PTGER3: variants seen among roughly 807,000 people sequenced by gnomAD.
The protein encoded by PTGER3 is prostaglandin E2 receptor EP3 subtype.
In PTGER3, 22 loss-of-function variants were observed where a neutral mutation model predicts 34.7. The ratio of observed to expected loss-of-function variants is 0.63; its 90% CI spans 0.45 to 0.91. The LOEUF is 0.91. Ranked by LOEUF, PTGER3 falls within the 40% of genes least tolerant of loss-of-function variation. The pLI, the probability that PTGER3 is intolerant of heterozygous loss-of-function variation, is 0.00. For synonymous variants in PTGER3, 241 were observed against 230.1 expected (o/e 1.05, Z -0.43); for missense variants, 468 against 519.4 (o/e 0.90, Z 0.96).
chr1:70,888,362 T>A (rs1232932895), intron 4 of PTGER3, among the ~76,000 whole-genome samples: 1 of 152,194 alleles, frequency 6.6e-6, no homozygotes, highest in Non-Finnish European at 1.5e-5. Context: ...GTAGATCCTA[T>A]TTTTTTCAGC....
intron 1 of PTGER3, among the ~76,000 whole-genome samples, chr1:71,036,574 C>T (rs1206372380): frequency 2.6e-5 from 4 of 151,930 alleles, no homozygotes; most frequent in African/African-American, 9.7e-5. Context: ...GGCACAGTGG[C>T]TCACACCTGT....
At chr1:71,030,636 A>G (rs1659325994) in intron 1 of PTGER3, among the ~76,000 whole-genome samples, 1 of 152,194 alleles carries the variant, frequency 6.6e-6, no homozygotes, top group Admixed American at 6.5e-5. Context: ...CACTTCCTAA[A>G]TTGCCGGTAT....
chr1:70,933,005 A>G (rs1193054138), intron 4 of PTGER3, among the ~76,000 whole-genome samples: 1 of 152,176 alleles, frequency 6.6e-6, no homozygotes, highest in East Asian at 1.9e-4. Flanking sequence ...TTATATCAGT[A>G]TCATATGTTA....
intron 4 of PTGER3, among the ~76,000 whole-genome samples, chr1:70,921,416 G>T (rs959007905): frequency 6.6e-6 from 1 of 151,998 alleles, no homozygotes; most frequent in Non-Finnish European, 1.5e-5. Flanking sequence ...TCGAATGAAT[G>T]GTAAAAATCA....
chr1:70,890,574 A>T (rs995649847), intron 4 of PTGER3, among the ~76,000 whole-genome samples: 1 of 151,980 alleles, frequency 6.6e-6, no homozygotes, highest in Non-Finnish European at 1.5e-5. Context: ...ACAATCATCC[A>T]CTCAGCTGCA....
chr1:71,038,688 A>C (rs1050033925), intron 1 of PTGER3, among the ~76,000 whole-genome samples: 3 of 152,182 alleles, frequency 2.0e-5, no homozygotes, highest in Non-Finnish European at 4.4e-5. Flanking sequence ...AAAATAACAC[A>C]TTGTGCTATT....
intron 2 of PTGER3, among the ~76,000 whole-genome samples, chr1:70,964,809 T>C (rs1220233079): frequency 6.6e-6 from 1 of 152,224 alleles, no homozygotes; most frequent in East Asian, 1.9e-4. Context: ...TCATAGTTGA[T>C]TGTTGCATAT....
intron 4 of PTGER3, among the ~76,000 whole-genome samples, chr1:70,936,456 A>G (rs907338905): frequency 6.6e-6 from 1 of 152,180 alleles, no homozygotes; most frequent in Non-Finnish European, 1.5e-5. Context: ...ACTAACAAGT[A>G]TAGAATGGGG....
chr1:70,896,513 T>A (rs891621268), intron 4 of PTGER3, among the ~76,000 whole-genome samples: 2 of 152,224 alleles, frequency 1.3e-5, no homozygotes, highest in African/African-American at 4.8e-5. Context: ...CTCCTTGATC[T>A]CAAACTTACA....
rs1387905515 is a variant in PTGER3, at chr1:70,852,666, G to A, written c.*217C>T. 7 of 761,502 alleles carry A rather than the reference G, an allele frequency of 9.2e-6. No homozygotes were observed. The East Asian group carries it at 1.7e-4, about 19-fold the overall frequency. The allele number at this position is 761,502 out of a possible 1,614,324, so 47.2% of individuals were successfully genotyped here. On this transcript the variant is annotated 3_prime_UTR_variant, in exon 5 of 5. Coordinates refer to the PTGER3 transcript ENST00000370931. ...AGATATAGTAAAAGTACAAAAACAT[G>A]TATGGAAACAGGACATAACAGCTTC...
intron 1 of PTGER3, among the ~76,000 whole-genome samples, chr1:71,018,788 T>C (rs1253248185): frequency 6.6e-6 from 1 of 152,204 alleles, no homozygotes; most frequent in Non-Finnish European, 1.5e-5. Context: ...TTTAAAATTA[T>C]TGTTATGAGG....
chr1:70,987,215 A>G (rs1361031642), intron 2 of PTGER3, among the ~76,000 whole-genome samples: 1 of 152,208 alleles, frequency 6.6e-6, no homozygotes, highest in Admixed American at 6.5e-5. Context: ...AAAGGTGACC[A>G]GGAAGGAAAT....
intron 4 of PTGER3, among the ~76,000 whole-genome samples, chr1:70,926,255 A>G (rs991755035): frequency 6.6e-6 from 1 of 152,172 alleles, no homozygotes; most frequent in Admixed American, 6.6e-5. Flanking sequence ...CATTGAATCT[A>G]TAAATTACCT....
intron 4 of PTGER3, among the ~76,000 whole-genome samples, chr1:70,863,096 G>C (rs183003598): frequency 6.6e-6 from 1 of 151,998 alleles, no homozygotes; most frequent in Admixed American, 6.6e-5. Flanking sequence ...TAGAGAAAGA[G>C]ATGATGGGCC....
chr1:70,910,851 G>A (rs1647044533), intron 4 of PTGER3, among the ~76,000 whole-genome samples: 1 of 152,114 alleles, frequency 6.6e-6, no homozygotes, highest in Non-Finnish European at 1.5e-5. Context: ...GGGAGGCCGA[G>A]GCAGGCGGAT....
At chr1:71,022,755 A>T (rs1215397302) in intron 1 of PTGER3, among the ~76,000 whole-genome samples, 1 of 151,470 alleles carries the variant, frequency 6.6e-6, no homozygotes, top group Non-Finnish European at 1.5e-5. Flanking sequence ...ACACATACAC[A>T]CACAAATGAA....
chr1:70,928,133 T>TA (rs1553164235), intron 4 of PTGER3, among the ~76,000 whole-genome samples: 4 of 145,510 alleles, frequency 2.7e-5, no homozygotes, highest in South Asian at 4.3e-4. Flanking sequence ...ATATATATAT[T>TA]TATATATATA....
rs550309061 is a variant in PTGER3, at chr1:70,906,601, G to A, written c.*23+47162C>T. On this transcript the variant is annotated intron_variant, in intron 4 of 4. Transcript: ENST00000370931. ...TTTTATAATTTGTATGTTGTAAATT[G>A]TGTGATCTTGGGCAAATTACTTTAA... 2.6e-5 allele frequency among the ~76,000 whole-genome samples: 4 copies of A among 152,296 alleles called. No homozygotes were observed. The East Asian group carries it at 7.7e-4, about 29-fold the overall frequency.
At chr1:70,920,053 C>A (rs1040787273) in intron 4 of PTGER3, among the ~76,000 whole-genome samples, 1 of 152,112 alleles carries the variant, frequency 6.6e-6, no homozygotes, top group Admixed American at 6.6e-5. Context: ...TCTGTTGATT[C>A]TGATATTTCA....
Sources: gnomAD v4.1 joint callset for allele counts (sites outside exome capture counted in the v4.1 genomes callset) on GRCh38, gnomAD v4.1.1 for gene constraint, MANE v1.5 for transcripts, NCBI Gene and HGNC (gene_info 2026-07-23, HGNC 2026-07-21) for gene names.